Variants in ERO1A observed in about 807,000 individuals in gnomAD.
The protein encoded by ERO1A is endoplasmic reticulum oxidoreductase 1 alpha.
A neutral mutation model predicts 76.9 loss-of-function variants in ERO1A; 49 were observed. That is an observed-to-expected ratio of 0.64 (90% CI 0.51 to 0.81). The LOEUF (loss-of-function observed/expected upper bound fraction) is 0.81. Ranked by LOEUF, ERO1A falls within the 30% of genes least tolerant of loss-of-function variation. The pLI, the probability that ERO1A is intolerant of heterozygous loss-of-function variation, is 0.00. For missense variants in ERO1A, 448 were observed against 542.1 expected, an observed-to-expected ratio of 0.83 and a Z score of 1.72; for synonymous variants, 174 against 181.2, an observed-to-expected ratio of 0.96 and a Z score of 0.32.
intron 4 of ERO1A, among the ~76,000 whole-genome samples, chr14:52,672,797 A>AAAAAAC (rs2040652051): frequency 6.6e-6 from 1 of 151,030 alleles, no homozygotes. Context: ...AAAAAAACAA[A>AAAAAAC]AAACAAACAA....
At chr14:52,694,626 A>T (rs1156948058) in intron 1 of ERO1A, among the ~76,000 whole-genome samples, 1 of 152,088 alleles carries the variant, frequency 6.6e-6, no homozygotes, top group East Asian at 1.9e-4. Flanking sequence ...GATACTGAAG[A>T]TAATGGAAAA....
In ERO1A at chr14:52,652,262, T is replaced by C. The variant is rs1466049564; in HGVS notation, c.1102A>G (p.Lys368Glu). Reference sequence around the variant, plus strand: ...ACCTTTAGTTTGTGTGCTTCTTTTTTATCCCCAGCAAAAAATGAATTCTCA... The same window carrying C: ...ACCTTTAGTTTGTGTGCTTCTTTTTCATCCCCAGCAAAAAATGAATTCTCA... ...FDENSFFAGD[K>E]KEAHKLKEDF... The change falls in exon 13 of 16, where the codon AAA (lysine) becomes GAA (glutamate). Residue 368 changes from lysine to glutamate, a missense_variant. Transcript: ENST00000395686. 6.2e-7 allele frequency: 1 copy of C among 1,609,440 alleles called. No individual in the cohort carries two copies. The highest frequency in any genetic ancestry group is 1.3e-5 in the African/African-American group (1 of 74,834).
intron 7 of ERO1A, among the ~76,000 whole-genome samples, chr14:52,664,627 A>T (rs569446644): frequency 2.2e-4 from 34 of 152,362 alleles, no homozygotes; most frequent in Non-Finnish European, 4.4e-4. Flanking sequence ...TAAGAAAATG[A>T]CTACAAAAGT....
At chr14:52,691,870 G>T (rs2041365580) in intron 1 of ERO1A, among the ~76,000 whole-genome samples, 1 of 152,166 alleles carries the variant, frequency 6.6e-6, no homozygotes, top group African/African-American at 2.4e-5. Flanking sequence ...CTTACATGAG[G>T]TTACATATAC....
At position 52,681,535 on chromosome 14, in the gene ERO1A, G is replaced by A. The variant is rs534784099; in HGVS notation, c.318+790C>T. On this transcript the variant is annotated intron_variant, in intron 3 of 15. Transcript: ENST00000395686. ...GGAGAATCGCTTGAACCCAGGAGGCGGAGGTTGCAGTGACCTGAGATCATG... is the reference window on the plus strand; with the variant it reads ...GGAGAATCGCTTGAACCCAGGAGGCAGAGGTTGCAGTGACCTGAGATCATG... 6.1e-4 allele frequency among the ~76,000 whole-genome samples: 93 copies of A among 152,192 alleles called. 1 individual carries two copies. Among genetic ancestry groups the A allele is most frequent in the African/African-American group, 2.1e-3 (89 of 41,514 alleles).
intron 1 of ERO1A, among the ~76,000 whole-genome samples, chr14:52,694,873 C>A (rs879581457): frequency 6.6e-6 from 1 of 152,142 alleles, no homozygotes. Flanking sequence ...TGGGCTTACA[C>A]ACAGAAAAAC....
chr14:52,671,325 T>C lies in ERO1A; in HGVS notation c.508+305A>G, dbSNP rs374084311. Among the ~76,000 whole-genome samples the C allele has an allele frequency of 6.6e-5, 10 of 152,346 alleles. No homozygotes were observed. In the East Asian group the frequency reaches 1.5e-3, roughly 23 times the overall value. On this transcript the variant is annotated intron_variant, in intron 6 of 15. Coordinates refer to ENST00000395686, the MANE Select transcript of ERO1A (RefSeq NM_014584.3). ...CATCTGTTTGAGTCCCTGTCTTTAA[T>C]TTTTTTGAGTATATACCTAGAAAAG...
chr14:52,650,491 A>C (rs1183722966), intron 13 of ERO1A, among the ~76,000 whole-genome samples: 2 of 61,154 alleles, frequency 3.3e-5, no homozygotes, highest in African/African-American at 1.5e-4. Context: ...AAACCTACTT[A>C]AAAAAAAAAA....
chr14:52,670,839 CT>C (rs1312106917), intron 6 of ERO1A, among the ~76,000 whole-genome samples: 9 of 152,088 alleles, frequency 5.9e-5, no homozygotes, highest in African/African-American at 2.2e-4. Flanking sequence ...GTTTTTTTAA[CT>C]GTAATAAAAT....
chr14:52,676,868 T>C (rs2040802402), intron 4 of ERO1A, among the ~76,000 whole-genome samples: 1 of 125,220 alleles, frequency 8.0e-6, no homozygotes, highest in Admixed American at 8.7e-5. Context: ...AACCCCCCTA[T>C]CTACCCCAAA....
Position 52,695,370 on chromosome 14 carries a change from G to C in ERO1A, c.112C>G (p.Gln38Glu). The C allele has an allele frequency of 6.8e-7, 1 of 1,465,308 alleles. No individual in the cohort carries two copies. Among genetic ancestry groups the C allele is most frequent in the African/African-American group, 1.4e-5 (1 of 69,348 alleles). 90.8% of individuals were successfully genotyped at this position (1,465,308 alleles called of 1,614,324 possible). ...PETAAQRCFC[Q>E]VSGYLDDCTC... ...GCACCAACGCGCACATCGCTCACCT[G>C]GCAGAAGCACCTCTGTGCCGCTGTC... The change falls in exon 1 of 16, where the codon CAG (glutamine) becomes GAG (glutamate). Residue 38 changes from glutamine to glutamate, a missense_variant and splice_region_variant. Physicochemically the swap from Gln to Glu is conservative, Grantham distance 29. Around this residue, in one of 2 missense-constraint regions of ERO1A, gnomAD observed 146 missense variants for 130.2 expected, o/e 1.12. Coordinates refer to ENST00000395686, the MANE Select transcript of ERO1A (RefSeq NM_014584.3).
intron 3 of ERO1A, 137 bp from the exon 4 acceptor site, chr14:52,678,609 T>G (rs2040882966): frequency 1.5e-6 from 1 of 657,842 alleles, no homozygotes; most frequent in African/African-American, 1.8e-5. Context: ...TAGGTAGTAT[T>G]CATATGATTG....
chr14:52,669,680 C>T (rs1281373725), intron 6 of ERO1A, among the ~76,000 whole-genome samples: 4 of 152,004 alleles, frequency 2.6e-5, no homozygotes, highest in African/African-American at 9.7e-5. Context: ...TATACTCACA[C>T]TAAATGAGCC....
chr14:52,653,492 AT>A (rs2039945915), intron 11 of ERO1A, among the ~76,000 whole-genome samples, 177 bp from the exon 12 acceptor site: 1 of 151,904 alleles, frequency 6.6e-6, no homozygotes, highest in South Asian at 2.1e-4. Flanking sequence ...TTAATATTTT[AT>A]TTTCTAGAAC....
At chr14:52,662,758 A>G (rs1464544233) in intron 8 of ERO1A, among the ~76,000 whole-genome samples, 1 of 152,228 alleles carries the variant, frequency 6.6e-6, no homozygotes, top group Non-Finnish European at 1.5e-5. Context: ...TCACTATTGT[A>G]GACAAGACCA....
intron 1 of ERO1A, among the ~76,000 whole-genome samples, chr14:52,691,289 G>T (rs563590952): frequency 6.6e-6 from 1 of 152,186 alleles, no homozygotes; most frequent in Non-Finnish European, 1.5e-5. Flanking sequence ...TCCACACCAG[G>T]TAGTAGGCAC....
chr14:52,682,588 G>T (rs962306023), intron 2 of ERO1A, among the ~76,000 whole-genome samples, 180 bp from the exon 3 acceptor site: 3 of 152,150 alleles, frequency 2.0e-5, no homozygotes, highest in African/African-American at 7.2e-5. Context: ...TAAGTAAATT[G>T]GTAGACTTGG....
chr14:52,675,398 G>A (rs1376817647), intron 4 of ERO1A, among the ~76,000 whole-genome samples: 1 of 151,060 alleles, frequency 6.6e-6, no homozygotes, highest in African/African-American at 2.4e-5. Context: ...AAAAAAAAAA[G>A]GTGGTGGAAT....
chr14:52,683,704 A>T, intron 2 of ERO1A, 84 bp downstream of exon 2: 2 of 612,842 alleles, frequency 3.3e-6, no homozygotes, highest in Non-Finnish European at 5.2e-6. Flanking sequence ...AATAACAACT[A>T]CAATTTTGAA....
Sources: allele counts gnomAD v4.1 joint callset (sites outside exome capture counted in the v4.1 genomes callset), GRCh38; gene constraint gnomAD v4.1.1; regional missense constraint gnomAD v4.1.1; transcripts MANE v1.5; gene names NCBI Gene and HGNC (gene_info 2026-07-23, HGNC 2026-07-21).